Variants in PTPRN2 observed in about 807,000 individuals in gnomAD.
The protein encoded by PTPRN2 is protein tyrosine phosphatase receptor type N2.
A neutral mutation model predicts 118.8 loss-of-function variants in PTPRN2; 74 were observed. That is an observed-to-expected ratio of 0.62 (90% confidence interval 0.52 to 0.76). The LOEUF (loss-of-function observed/expected upper bound fraction) is 0.76, where lower values mean the gene tolerates loss of function less well. Ranked by LOEUF, PTPRN2 falls within the 30% of genes least tolerant of loss-of-function variation. The pLI is 0.00. For synonymous variants in PTPRN2, 641 were observed against 608.0 expected, an observed-to-expected ratio of 1.05 and a Z score of -0.80; for missense variants, 1,481 against 1,394.4, an observed-to-expected ratio of 1.06 and a Z score of -0.99.
chr7:157,791,863 G>A (rs989928907), intron 12 of PTPRN2, among the ~76,000 whole-genome samples: 4 of 152,244 alleles, frequency 2.6e-5, no homozygotes, highest in Admixed American at 6.5e-5. Context: ...AGCACGCTCG[G>A]AGCGCACCCA....
chr7:157,715,140 G>T (rs546535785), intron 12 of PTPRN2, among the ~76,000 whole-genome samples: 1 of 152,212 alleles, frequency 6.6e-6, no homozygotes, highest in African/African-American at 2.4e-5. Context: ...TGAGTGAAAT[G>T]TGTGCTTAAA....
At chr7:157,992,848 C>T (rs1804350131) in intron 11 of PTPRN2, among the ~76,000 whole-genome samples, 1 of 152,270 alleles carries the variant, frequency 6.6e-6, no homozygotes, top group Admixed American at 6.5e-5. Context: ...TTGGCTCCTT[C>T]TGCTCAGGAA....
intron 3 of PTPRN2, among the ~76,000 whole-genome samples, chr7:158,309,923 G>T (rs1194324329): frequency 1.3e-5 from 2 of 152,168 alleles, no homozygotes; most frequent in Non-Finnish European, 2.9e-5. Context: ...ATGCAGGTGG[G>T]ATTAGTGTCC....
rs952065469 is a variant in PTPRN2 at position 158,526,600 on chromosome 7, C to T, written c.113-36815G>A. On this transcript the variant is annotated intron_variant, in intron 1 of 22. Coordinates refer to ENST00000389418, the MANE Select transcript of PTPRN2 (RefSeq NM_002847.5). This position sits in a 1 kb window ranked among gnomAD's most constrained non-coding sequence, Gnocchi z 5.2. ...CAAAGTTCATACACTGAAGTCCTGA[C>T]CCCCAGGACCTCAGAATGGGACTGT... Among the ~76,000 whole-genome samples, 3 of 152,112 alleles carry T rather than the reference C, an allele frequency of 2.0e-5. No homozygotes were observed. The highest frequency in any genetic ancestry group is 7.2e-5 in the African/African-American group (3 of 41,402).
At chr7:158,455,257 C>T (rs1284217638) in intron 2 of PTPRN2, among the ~76,000 whole-genome samples, 5 of 137,968 alleles carry the variant, frequency 3.6e-5, no homozygotes, top group Non-Finnish European at 6.3e-5. Flanking sequence ...ACGGCACGGA[C>T]GCCATCGGCC....
At chr7:158,111,663 C>T (rs1488528124) in intron 9 of PTPRN2, among the ~76,000 whole-genome samples, 2 of 152,216 alleles carry the variant, frequency 1.3e-5, no homozygotes, top group Non-Finnish European at 1.5e-5. Flanking sequence ...ATTCCTCATC[C>T]AGTGAGCGTG....
At chr7:158,469,794 A>C (rs1192366063) in intron 2 of PTPRN2, among the ~76,000 whole-genome samples, 1 of 151,616 alleles carries the variant, frequency 6.6e-6, no homozygotes, top group Non-Finnish European at 1.5e-5. Flanking sequence ...TAGTGCCATC[A>C]TAAAAGAATT....
In PTPRN2 at chr7:158,243,299, A is replaced by T. The variant is rs184018349; in HGVS notation, c.278-38026T>A. 1.9e-3 allele frequency among the ~76,000 whole-genome samples: 282 copies of T among 152,326 alleles called. 3 individuals are homozygous for T. The highest frequency in any genetic ancestry group is 6.5e-3 in the African/African-American group (269 of 41,586). ...AAAGAAAGTCTTCTCTCCCAAAATT[A>T]ATCAATGCAAGAGGAGCAGACCATT... On this transcript the variant is annotated intron_variant, in intron 3 of 22. Transcript: ENST00000389418.
rs1202501894 is a variant in PTPRN2, at chr7:157,784,715, C to T, written c.1789-101778G>A. On this transcript the variant is annotated intron_variant, in intron 12 of 22. Transcript: ENST00000389418. This position sits in a 1 kb window ranked among gnomAD's most constrained non-coding sequence, Gnocchi z 4.6. ...AAACGGGCAGGGGCTGAGCTGATCC[C>T]GTGGCAGTGCAAACCGAGGGCCCCC... Among the ~76,000 whole-genome samples the T allele has an allele frequency of 1.3e-5, 2 of 152,034 alleles. No individual in the cohort carries two copies. The highest frequency in any genetic ancestry group is 1.9e-4 in the East Asian group (1 of 5,162).
chr7:158,529,910 CAT>C lies in PTPRN2; in HGVS notation c.113-40127_113-40126del. ...CCACACACGTGCCACACACAGCACA[CAT>C]ATGCACGCTACCACACACATGCACA... On this transcript the variant is annotated intron_variant, in intron 1 of 22. Coordinates refer to ENST00000389418, the MANE Select transcript of PTPRN2 (RefSeq NM_002847.5). The surrounding 1 kb of genome is among the most constrained non-coding windows in gnomAD (Gnocchi z 4.7). Among the ~76,000 whole-genome samples the C allele has an allele frequency of 6.6e-6, 1 of 152,196 alleles. No individual in the cohort carries two copies. The highest frequency in any genetic ancestry group is 2.4e-5 in the African/African-American group (1 of 41,538).
intron 11 of PTPRN2, among the ~76,000 whole-genome samples, chr7:158,001,152 G>A (rs62476603): frequency 0.66 from 60,937 of 92,890 alleles, 22,684 homozygotes; most frequent in East Asian, 0.89. Flanking sequence ...TGCAAGGTGG[G>A]GCTGGGGTTT....
intron 21 of PTPRN2, among the ~76,000 whole-genome samples, 171 bp downstream of exon 21, chr7:157,568,731 C>A (rs1047671391): frequency 1.3e-5 from 2 of 152,246 alleles, no homozygotes; most frequent in African/African-American, 4.8e-5. Flanking sequence ...TAACAAACGA[C>A]CAGCCTCAGA....
At chr7:158,312,196 A>G (rs1159033047) in intron 3 of PTPRN2, among the ~76,000 whole-genome samples, 1 of 98,078 alleles carries the variant, frequency 1.0e-5, no homozygotes, top group East Asian at 2.9e-4. Context: ...ATGTGTAGAC[A>G]CTCACATGCA....
At chr7:158,150,526 G>C (rs764407909) in intron 6 of PTPRN2, among the ~76,000 whole-genome samples, 1 of 152,108 alleles carries the variant, frequency 6.6e-6, no homozygotes, top group Non-Finnish European at 1.5e-5. Flanking sequence ...GTGAGTCCCA[G>C]TATTCACCAG....
chr7:157,641,871 C>G (rs1394256638), intron 14 of PTPRN2, among the ~76,000 whole-genome samples: 1 of 152,148 alleles, frequency 6.6e-6, no homozygotes, highest in Non-Finnish European at 1.5e-5. Context: ...CACAAAGCTA[C>G]CTGACGTCTG....
intron 2 of PTPRN2, among the ~76,000 whole-genome samples, chr7:158,327,287 A>G (rs905912365): frequency 2.1e-5 from 3 of 140,838 alleles, no homozygotes; most frequent in African/African-American, 8.2e-5. Context: ...ACACATGCTC[A>G]CACATGTACA....
chr7:158,363,609 GGAGAGAACCGCGCATGCTGATACAGT>G (rs1809184672), intron 2 of PTPRN2, among the ~76,000 whole-genome samples: 1 of 152,196 alleles, frequency 6.6e-6, no homozygotes, highest in South Asian at 2.1e-4. Context: ...TGCCTGCCTA[GGAGAGAACCGCGCATGCTGATACAGT>G]GAGACAGGCA....
intron 15 of PTPRN2, among the ~76,000 whole-genome samples, chr7:157,620,881 C>T (rs1465735492): frequency 1.3e-5 from 2 of 152,102 alleles, no homozygotes; most frequent in East Asian, 3.9e-4. Flanking sequence ...TAACCCAGGC[C>T]TCCCTCCCCG....
chr7:158,100,289 C>A (rs1490806415), intron 10 of PTPRN2, among the ~76,000 whole-genome samples: 1 of 149,376 alleles, frequency 6.7e-6, no homozygotes, highest in African/African-American at 2.5e-5. Flanking sequence ...GCCACGATTT[C>A]TTTATCTACT....
Sources: allele counts gnomAD v4.1 joint callset (sites outside exome capture counted in the v4.1 genomes callset), GRCh38; gene constraint gnomAD v4.1.1; non-coding constraint Gnocchi (gnomAD v3.1); transcripts MANE v1.5; gene names NCBI Gene and HGNC (gene_info 2026-07-23, HGNC 2026-07-21).